TLDC2: variants seen among roughly 807,000 people sequenced by gnomAD.
TLDC2 encodes TBC/LysM-associated domain containing 2, also known as TLD domain-containing protein 2.
Under a neutral mutation model 27.9 loss-of-function variants are expected in TLDC2, and 23 were observed. The ratio of observed to expected loss-of-function variants is 0.82; its 90% CI spans 0.59 to 1.17. The LOEUF is 1.17. Among genes scored for constraint, TLDC2 ranks in the 50% most tolerant of loss-of-function variants. The pLI, the probability that TLDC2 is intolerant of heterozygous loss-of-function variation, is 0.00. For synonymous variants in TLDC2, 124 were observed against 107.4 expected (o/e 1.16, Z -0.96); for missense variants, 286 against 273.4 (o/e 1.05, Z -0.32).
intron 4 of TLDC2, among the ~76,000 whole-genome samples, chr20:36,886,865 C>A (rs532380241): frequency 6.6e-6 from 1 of 152,208 alleles, no homozygotes; most frequent in East Asian, 1.9e-4. Context: ...CAATGGGAAG[C>A]CATTGGAGGA....
intron 6 of TLDC2, chr20:36,890,486 C>CA: frequency 6.8e-6 from 1 of 147,726 alleles, no homozygotes; most frequent in South Asian, 2.2e-4. Context: ...TTGTTTGAGA[C>CA]AGAGTTTCGC....
chr20:36,890,931 C>G (rs1481291758), intron 6 of TLDC2: 4 of 152,186 alleles, frequency 2.6e-5, no homozygotes, highest in Non-Finnish European at 5.9e-5. Flanking sequence ...ATTAGGACTA[C>G]AGAATCTCAG....
At chr20:36,880,095 A>ATGTGTGTG (rs1555828585) in intron 3 of TLDC2, among the ~76,000 whole-genome samples, 136 of 37,464 alleles carry the variant, frequency 3.6e-3, no homozygotes, top group Middle Eastern at 0.024. Flanking sequence ...ATATATATAT[A>ATGTGTGTG]TATATACTTT....
intron 4 of TLDC2, among the ~76,000 whole-genome samples, chr20:36,881,110 C>T (rs752566858): frequency 1.1e-3 from 165 of 152,198 alleles, no homozygotes; most frequent in Non-Finnish European, 1.8e-3. Flanking sequence ...GGCCAGGCAC[C>T]GTGGCTCATG....
intron 4 of TLDC2, among the ~76,000 whole-genome samples, chr20:36,885,714 A>G (rs1989907286): frequency 6.6e-6 from 1 of 152,218 alleles, no homozygotes; most frequent in Non-Finnish European, 1.5e-5. Flanking sequence ...TAAGGCAATA[A>G]CATCCTATCG....
chr20:36,891,583 T>C (rs966270006), intron 6 of TLDC2: 1 of 152,288 alleles, frequency 6.6e-6, no homozygotes, highest in Non-Finnish European at 1.5e-5. Flanking sequence ...ACAGGGGCAC[T>C]GCCCCACCAA....
intron 4 of TLDC2, among the ~76,000 whole-genome samples, chr20:36,886,609 A>G (rs986759322): frequency 1.3e-5 from 2 of 151,970 alleles, no homozygotes; most frequent in African/African-American, 2.4e-5. Context: ...AGAGAAAAAA[A>G]ATTTTTTTTA....
chr20:36,876,351 G>C, intron 1 of TLDC2, 144 bp downstream of exon 1: 1 of 1,099,666 alleles, frequency 9.1e-7, no homozygotes, highest in Non-Finnish European at 1.4e-6. Context: ...CTGTGGTTTG[G>C]AGCAAGGACT....
chr20:36,887,656 C>T (rs947613100), intron 5 of TLDC2, 128 bp downstream of exon 5: 40 of 868,828 alleles, frequency 4.6e-5, no homozygotes, highest in Admixed American at 3.2e-4. Context: ...AGGCCGTTCC[C>T]CTCATTGCTC....
chr20:36,877,880 C>T lies in TLDC2; in HGVS notation c.34-19C>T. The T allele has an allele frequency of 6.2e-7, 1 of 1,606,938 alleles. No individual in the cohort carries two copies. The highest frequency in any genetic ancestry group is 8.5e-7 in the Non-Finnish European group (1 of 1,177,072). Reference sequence around the variant, plus strand: ...ACCTCCTGTCCCTGGACACACCAGGCCACTTTGTGTTTTTGCAGCCCAGCC... The same window carrying T: ...ACCTCCTGTCCCTGGACACACCAGGTCACTTTGTGTTTTTGCAGCCCAGCC... On this transcript the variant is annotated intron_variant, in intron 1 of 6. Coordinates refer to ENST00000217320, the MANE Select transcript of TLDC2 (RefSeq NM_080628.3).
chr20:36,890,041 T>C (rs1316156498), intron 6 of TLDC2: 1 of 152,250 alleles, frequency 6.6e-6, no homozygotes, highest in Non-Finnish European at 1.5e-5. Context: ...ATAAATACTG[T>C]AGCAGCGTCG....
In TLDC2 at chr20:36,889,396, G is replaced by A. The variant is rs375004307; in HGVS notation, c.*10G>A. The A allele has an allele frequency of 1.6e-5, 25 of 1,612,808 alleles. No individual in the cohort carries two copies. Among genetic ancestry groups the A allele is most frequent in the South Asian group, 6.6e-5 (6 of 90,976 alleles). ...TTGGCTTCTCAGCTGACAGCCCTGC[G>A]GCAACAGGTACTCAGCCCTGCTCAT... On this transcript the variant is annotated 3_prime_UTR_variant, in exon 6 of 7. Coordinates refer to ENST00000217320, the MANE Select transcript of TLDC2 (RefSeq NM_080628.3).
chr20:36,879,709 C>T (rs867320743), intron 3 of TLDC2, among the ~76,000 whole-genome samples: 2 of 151,588 alleles, frequency 1.3e-5, no homozygotes, highest in South Asian at 2.1e-4. Flanking sequence ...CCAACAACAA[C>T]CACAAAAAAA....
At position 36,889,699 on chromosome 20, in the gene TLDC2, A is replaced by C. The variant is rs140557586; in HGVS notation, c.*17+296A>C. 3.8e-3 allele frequency: 882 copies of C among 232,598 alleles called. 12 individuals are homozygous for C. Among genetic ancestry groups the C allele is most frequent in the African/African-American group, 0.019 (844 of 44,540 alleles). 14.4% of individuals were successfully genotyped at this position (232,598 alleles called of 1,614,324 possible). A position where few individuals can be genotyped will look rare whatever the true frequency, so the allele number is the denominator to read the frequency against. On this transcript the variant is annotated intron_variant, in intron 6 of 6. Transcript: ENST00000217320. The stretch of plus-strand genomic sequence containing the variant: ...TCCCCGCTAGTGCCTGCCTCCTGGC[A>C]AAGGGAAGATTTTTCACTATGCTGT...
intron 5 of TLDC2, 22 bp downstream of exon 5, chr20:36,887,550 A>C (rs1333895849): frequency 6.2e-7 from 1 of 1,609,636 alleles, no homozygotes; most frequent in Non-Finnish European, 8.5e-7. Flanking sequence ...AGTCTTCCCG[A>C]GTCTTGGGGC....
chr20:36,880,668 TCTC>T lies in TLDC2; in HGVS notation c.363_365del (p.Ser122del), dbSNP rs1989793248. 4 of 1,614,138 alleles carry T rather than the reference TCTC, an allele frequency of 2.5e-6. No homozygotes were observed. The highest frequency in any genetic ancestry group is 3.4e-6 in the Non-Finnish European group (4 of 1,179,982). ...TCCACTTTCCAGATATTTGGAGCCT[TCTC>T]CTCCTCGGCTATCCGACTCAGCAAA... is the stretch of plus-strand genomic sequence containing the variant. On this transcript the variant is annotated inframe_deletion, in exon 4 of 7. Transcript: ENST00000217320.
In TLDC2 at chr20:36,879,117, G is replaced by A. The variant is rs1989742265; in HGVS notation, c.266G>A (p.Ser89Asn). The change falls in exon 3 of 7, where the codon AGC (serine) becomes AAC (asparagine). Residue 89 changes from serine to asparagine, a missense_variant. By Grantham distance (46) the Ser-to-Asn change is conservative. Coordinates refer to ENST00000217320, the MANE Select transcript of TLDC2 (RefSeq NM_080628.3). ...LVFCTSRDGF[S>N]LQSLYRRMEG... ...TTCTGCACGTCAAGGGACGGTTTCA[G>A]CCTGCAGAGCCTGTACCGGCGGATG... is the stretch of plus-strand genomic sequence containing the variant. The A allele has an allele frequency of 3.1e-6, 5 of 1,614,166 alleles. No individual in the cohort carries two copies. Among genetic ancestry groups the A allele is most frequent in the South Asian group, 2.2e-5 (2 of 91,076 alleles).
chr20:36,876,307 A>G lies in TLDC2; in HGVS notation c.33+100A>G, dbSNP rs1030990350. ...GGGCTAGGGTTGGATGCGGGCAGTG[A>G]CTTGTTCCCCTCTCAAGTCCCTCCC... is the stretch of plus-strand genomic sequence containing the variant. On this transcript the variant is annotated intron_variant, in intron 1 of 6. Transcript: ENST00000217320. 1.3e-5 allele frequency: 20 copies of G among 1,507,778 alleles called. No homozygotes were observed. The Admixed American group carries it at 3.4e-4, about 25-fold the overall frequency. 93.4% of individuals were successfully genotyped at this position (1,507,778 alleles called of 1,614,324 possible). A position where few individuals can be genotyped will look rare whatever the true frequency, so the allele number is the denominator to read the frequency against.
At chr20:36,878,152 C>T in intron 2 of TLDC2, 98 bp downstream of exon 2, 2 of 1,357,502 alleles carry the variant, frequency 1.5e-6, no homozygotes, top group Non-Finnish European at 2.0e-6. Context: ...CCTAGAGTCA[C>T]TCTTGCTCTG....
Sources: gnomAD v4.1 joint callset for allele counts (sites outside exome capture counted in the v4.1 genomes callset) on GRCh38, gnomAD v4.1.1 for gene constraint, MANE v1.5 for transcripts, NCBI Gene and HGNC (gene_info 2026-07-23, HGNC 2026-07-21) for gene names.